NPHP3: variants seen among roughly 807,000 people sequenced by gnomAD.
The protein encoded by NPHP3 is nephrocystin 3, also known as nephrocystin-3.
NPHP3 carries 123 observed loss-of-function variants against 171.9 expected under a neutral mutation model. The ratio of observed to expected loss-of-function variants is 0.72; its 90% CI spans 0.62 to 0.83. The LOEUF (loss-of-function observed/expected upper bound fraction) is 0.83. Among genes scored for constraint, NPHP3 ranks in the 40% least tolerant of loss-of-function variants. The pLI is 0.00. For missense variants in NPHP3, 1,506 were observed against 1,591.9 expected (o/e 0.95, Z 0.92); for synonymous variants, 558 against 579.2 (o/e 0.96, Z 0.52).
intron 3 of NPHP3, 130 bp downstream of exon 3, chr3:132,718,863 TA>T (rs1184063049): frequency 5.7e-6 from 5 of 880,458 alleles, no homozygotes; most frequent in Non-Finnish European, 9.1e-6. Flanking sequence ...CACACGACAC[TA>T]TTTGCAACAG....
chr3:132,700,418 G>T lies in NPHP3; in HGVS notation c.1659C>A (p.Asn553Lys), dbSNP rs746407428. Reference sequence around the variant, plus strand: ...CCACAAAATGGGAAAGAATCAGTGTGTTGGGGGAATTCTTCTGTTGTAATT... The same window carrying T: ...CCACAAAATGGGAAAGAATCAGTGTTTTGGGGGAATTCTTCTGTTGTAATT... Reference protein sequence around the residue: ...WIQLQQKNSPNTLILSHFVGR... With the variant: ...WIQLQQKNSPKTLILSHFVGR... The change falls in exon 11 of 27, where the codon AAC (asparagine) becomes AAA (lysine). Residue 553 changes from asparagine to lysine, a missense_variant. Physicochemically the swap from Asn to Lys is moderately conservative, Grantham distance 94. This residue lies in a region of NPHP3 where 930 missense variants were observed against 924.9 expected (regional missense o/e 1.01). Coordinates refer to ENST00000337331, the MANE Select transcript of NPHP3 (RefSeq NM_153240.5). 3 of 1,611,598 alleles carry T rather than the reference G, an allele frequency of 1.9e-6. No homozygotes were observed. The Admixed American group carries it at 5.0e-5, about 27-fold the overall frequency.
rs758188282 is a variant in NPHP3 at position 132,692,662 on chromosome 3, G to A, written c.2467C>T (p.His823Tyr). Residue 823 changes from histidine (H) to tyrosine (Y), a missense_variant, in exon 17 of 27, where the codon CAT (histidine) becomes TAT (tyrosine). Coordinates refer to ENST00000337331, the MANE Select transcript of NPHP3 (RefSeq NM_153240.5). Reference protein sequence around the residue: ...TYGCGLLRFQHLQAWETVRLE... With the variant: ...TYGCGLLRFQYLQAWETVRLE... The stretch of plus-strand genomic sequence containing the variant: ...GCCTAAAATAACATTACCTGCAGAT[G>A]TTGAAACCTAAGCAAGCCACATCCA... 7 of 1,613,656 alleles carry A rather than the reference G, an allele frequency of 4.3e-6. No homozygotes were observed. In the South Asian group the frequency reaches 6.6e-5, roughly 15 times the overall value.
chr3:132,686,309 G>C lies in NPHP3; in HGVS notation c.3280C>G (p.Arg1094Gly). ...TLGKDTPDNA[R>G]TLNELGVLYY... Reference sequence around the variant, plus strand: ...AGAACACCCAGTTCATTGAGGGTCCGAGCATTATCAGGTGTGTCCTTACCT... The same window carrying C: ...AGAACACCCAGTTCATTGAGGGTCCCAGCATTATCAGGTGTGTCCTTACCT... Residue 1094 changes from arginine to glycine, a missense_variant, in exon 23 of 27, where the codon CGG (arginine) becomes GGG (glycine). Arg to Gly is a moderately radical substitution (Grantham distance 125). Transcript: ENST00000337331. The C allele has an allele frequency of 6.2e-7, 1 of 1,613,808 alleles. No individual in the cohort carries two copies. Among genetic ancestry groups the C allele is most frequent in the Non-Finnish European group, 8.5e-7 (1 of 1,179,734 alleles).
intron 7 of NPHP3, among the ~76,000 whole-genome samples, chr3:132,706,388 C>A (rs369470567): frequency 1.4e-3 from 205 of 150,126 alleles, no homozygotes; most frequent in Non-Finnish European, 1.7e-3. Context: ...AAAAAAAAAA[C>A]CAAGAAGTAT....
At position 132,696,741 on chromosome 3, in the gene NPHP3, T is replaced by C. The variant is rs1399552358; in HGVS notation, c.2161A>G (p.Met721Val). 2 of 1,613,968 alleles carry C rather than the reference T, an allele frequency of 1.2e-6. No homozygotes were observed. The highest frequency in any genetic ancestry group is 4.5e-5 in the East Asian group (2 of 44,878). The change falls in exon 15 of 27, where the codon ATG becomes GTG. Residue 721 changes from methionine (M) to valine (V), a missense_variant. Transcript: ENST00000337331. ...NALYVTLFGK[M>V]IARAGRAGNL... Reference sequence around the variant, plus strand: ...ATAATCACCACTCACCGCGCGATCATTTTGCCGAAAAGGGTGACATAAAGG... The same window carrying C: ...ATAATCACCACTCACCGCGCGATCACTTTGCCGAAAAGGGTGACATAAAGG...
chr3:132,689,263 C>G lies in NPHP3; in HGVS notation c.2694G>C (p.Arg898Ser), dbSNP rs963574014. The change falls in exon 20 of 27, where the codon AGG becomes AGC. Residue 898 changes from arginine (R) to serine (S), a missense_variant and splice_region_variant. Transcript: ENST00000337331. The stretch of plus-strand genomic sequence containing the variant: ...AACTCAGCAACTCAGCAAAGTGTCC[C>G]CTGTTTCAACAAATAACAGTACTTT... ...NLFVSQNLYK[R>S]GHFAELLSYW... 4 of 1,613,884 alleles carry G rather than the reference C, an allele frequency of 2.5e-6. No individual in the cohort carries two copies. In the African/African-American group the frequency reaches 5.3e-5, roughly 22 times the overall value.
Position 132,696,774 on chromosome 3 carries a change from A to G in NPHP3, c.2128T>C (p.Cys710Arg). 4 of 1,614,074 alleles carry G rather than the reference A, an allele frequency of 2.5e-6. No homozygotes were observed. The highest frequency in any genetic ancestry group is 3.4e-6 in the Non-Finnish European group (4 of 1,179,952). The change falls in exon 15 of 27, where the codon TGC (cysteine) becomes CGC (arginine). Residue 710 changes from cysteine to arginine, a missense_variant. Physicochemically the swap from Cys to Arg is radical, Grantham distance 180. Coordinates refer to ENST00000337331, the MANE Select transcript of NPHP3 (RefSeq NM_153240.5). ...AAAAGGGTGACATAAAGGGCATTGC[A>G]GGTTGTAGCAGAACGACAGTGTCGT... ...LERHCRSATTCNALYVTLFGK... is the reference protein window; with the variant it reads ...LERHCRSATTRNALYVTLFGK...
At chr3:132,698,625 T>C (rs896422929) in intron 13 of NPHP3, among the ~76,000 whole-genome samples, 2 of 152,118 alleles carry the variant, frequency 1.3e-5, no homozygotes, top group African/African-American at 4.8e-5. Context: ...CATTTCAAAA[T>C]AACAGGTGTC....
At chr3:132,704,815 C>G (rs1334783126) in intron 8 of NPHP3, among the ~76,000 whole-genome samples, 4 of 152,118 alleles carry the variant, frequency 2.6e-5, no homozygotes, top group Non-Finnish European at 5.9e-5. Flanking sequence ...ATATGTTATC[C>G]TTCAAGCACT....
intron 6 of NPHP3, among the ~76,000 whole-genome samples, chr3:132,708,542 T>C (rs1419141322): frequency 1.3e-5 from 2 of 152,212 alleles, no homozygotes; most frequent in Non-Finnish European, 2.9e-5. Flanking sequence ...CTAAAAAAGA[T>C]CTCAAAAATA....
rs1343353405 is a variant in NPHP3 at position 132,696,773 on chromosome 3, C to T, written c.2129G>A (p.Cys710Tyr). The T allele has an allele frequency of 6.2e-7, 1 of 1,614,124 alleles. No individual in the cohort carries two copies. The highest frequency in any genetic ancestry group is 8.5e-7 in the Non-Finnish European group (1 of 1,180,020). The change falls in exon 15 of 27, where the codon TGC becomes TAC. Residue 710 changes from cysteine (C) to tyrosine (Y), a missense_variant. Around this residue, in one of 3 missense-constraint regions of NPHP3, gnomAD observed 930 missense variants for 924.9 expected, o/e 1.01. Coordinates refer to ENST00000337331, the MANE Select transcript of NPHP3 (RefSeq NM_153240.5). ...GAAAAGGGTGACATAAAGGGCATTGCAGGTTGTAGCAGAACGACAGTGTCG... is the reference window on the plus strand; with the variant it reads ...GAAAAGGGTGACATAAAGGGCATTGTAGGTTGTAGCAGAACGACAGTGTCG... ...LERHCRSATT[C>Y]NALYVTLFGK... is the part of the protein sequence containing the mutation.
At chr3:132,721,428 C>T (rs1049897893) in intron 1 of NPHP3, 1 of 187,414 alleles carries the variant, frequency 5.3e-6, no homozygotes, top group Non-Finnish European at 1.1e-5. Context: ...AAGAAACCGA[C>T]ACTTGAGCCC....
chr3:132,716,744 C>G lies in NPHP3; in HGVS notation c.823+13G>C, dbSNP rs1459853335. On this transcript the variant is annotated intron_variant, in intron 4 of 26. Transcript: ENST00000337331. ...TACCACTAGGCAAGTAATTGACAAACAGCATGTATTACCTCTATTAACATT... is the reference window on the plus strand; with the variant it reads ...TACCACTAGGCAAGTAATTGACAAAGAGCATGTATTACCTCTATTAACATT... The G allele has an allele frequency of 2.5e-6, 4 of 1,613,282 alleles. No individual in the cohort carries two copies. In the African/African-American group the frequency reaches 4.0e-5, roughly 16 times the overall value.
chr3:132,695,191 T>G (rs1939421902), intron 15 of NPHP3: 1 of 496,678 alleles, frequency 2.0e-6, no homozygotes, highest in Admixed American at 3.4e-5. Context: ...TGAAATCTAT[T>G]ATTTGTTAAG....
chr3:132,701,313 T>C (rs762317767), intron 10 of NPHP3, 117 bp downstream of exon 10: 277 of 709,586 alleles, frequency 3.9e-4, no homozygotes, highest in Non-Finnish European at 6.0e-4. Context: ...TTATTCCTTT[T>C]TACTTTGTTA....
chr3:132,689,462 C>T (rs561764288), intron 19 of NPHP3, among the ~76,000 whole-genome samples, 199 bp from the exon 20 acceptor site: 1 of 152,296 alleles, frequency 6.6e-6, no homozygotes, highest in Admixed American at 6.5e-5. Context: ...TATCTGACCT[C>T]TTAGACCTCA....
intron 26 of NPHP3, 146 bp from the exon 27 acceptor site, chr3:132,682,236 AAAC>A: frequency 4.3e-6 from 3 of 702,478 alleles, no homozygotes; most frequent in Non-Finnish European, 7.4e-6. Flanking sequence ...CAGACCAGTA[AAAC>A]AACACCCAAA....
chr3:132,692,115 C>A (rs1259003489), intron 17 of NPHP3, among the ~76,000 whole-genome samples: 1 of 152,178 alleles, frequency 6.6e-6, no homozygotes, highest in Non-Finnish European at 1.5e-5. Flanking sequence ...CTTACAGTTA[C>A]ACACAGTATT....
chr3:132,697,511 G>T (rs753061250), intron 13 of NPHP3, 149 bp from the exon 14 acceptor site: 3 of 590,590 alleles, frequency 5.1e-6, no homozygotes, highest in African/African-American at 5.2e-5. Flanking sequence ...ATCATATTAA[G>T]TAATTAATAT....
Sources: gnomAD v4.1 joint callset for allele counts (sites outside exome capture counted in the v4.1 genomes callset) on GRCh38, gnomAD v4.1.1 for gene constraint, gnomAD v4.1.1 regional missense constraint, MANE v1.5 for transcripts, NCBI Gene and HGNC (gene_info 2026-07-23, HGNC 2026-07-21) for gene names.